LPP: variants seen among roughly 807,000 people sequenced by gnomAD.
The protein encoded by LPP is LIM domain containing preferred translocation partner in lipoma, also known as lipoma-preferred partner.
A neutral mutation model predicts 60.4 loss-of-function variants in LPP; 38 were observed. The observed-to-expected ratio is 0.63, with a 90% CI of 0.49 to 0.83. LPP has a LOEUF of 0.83. Ranked by LOEUF, LPP falls within the 40% of genes least tolerant of loss-of-function variation. The pLI is 0.00. For missense variants in LPP, 902 were observed against 783.6 expected, an observed-to-expected ratio of 1.15 and a Z score of -1.80; for synonymous variants, 328 against 290.8, an observed-to-expected ratio of 1.13 and a Z score of -1.30.
intron 2 of LPP, among the ~76,000 whole-genome samples, chr3:188,294,890 G>T (rs758663986): frequency 6.6e-6 from 1 of 152,210 alleles, no homozygotes; most frequent in Admixed American, 6.5e-5. Context: ...GGTGCCGTTC[G>T]AGTCCTGGCC....
intron 7 of LPP, among the ~76,000 whole-genome samples, chr3:188,641,909 C>G (rs1850215680): frequency 6.6e-6 from 1 of 152,170 alleles, no homozygotes. Flanking sequence ...ATCTGGAGGT[C>G]TTTGATCCTT....
chr3:188,734,316 T>C (rs1192887956), intron 8 of LPP, among the ~76,000 whole-genome samples: 1 of 152,248 alleles, frequency 6.6e-6, no homozygotes, highest in African/African-American at 2.4e-5. Flanking sequence ...AATGTTATTC[T>C]ATTTTTTAAT....
chr3:188,205,218 G>C (rs1321573370), intron 1 of LPP, among the ~76,000 whole-genome samples: 1 of 150,316 alleles, frequency 6.7e-6, no homozygotes, highest in Non-Finnish European at 1.5e-5. Context: ...GGTTTAGAGA[G>C]ATGAAATAAC....
chr3:188,227,801 TGC>T (rs1278202062), intron 2 of LPP, among the ~76,000 whole-genome samples: 1 of 152,180 alleles, frequency 6.6e-6, no homozygotes, highest in Non-Finnish European at 1.5e-5. Context: ...GAGCCTGGTT[TGC>T]TATATTCTCA....
chr3:188,716,576 C>T (rs776164290), intron 8 of LPP, among the ~76,000 whole-genome samples: 4 of 152,102 alleles, frequency 2.6e-5, no homozygotes, highest in Non-Finnish European at 5.9e-5. Flanking sequence ...AACCTAGAGC[C>T]CTCATTGCTG....
At chr3:188,783,973 T>C (rs1740701600) in intron 9 of LPP, among the ~76,000 whole-genome samples, 1 of 152,104 alleles carries the variant, frequency 6.6e-6, no homozygotes, top group Non-Finnish European at 1.5e-5. Flanking sequence ...GGTGTTTGGT[T>C]ACATGAGTAA....
intron 2 of LPP, among the ~76,000 whole-genome samples, chr3:188,256,484 A>G (rs1043259348): frequency 6.6e-5 from 10 of 152,222 alleles, no homozygotes; most frequent in African/African-American, 2.2e-4. Context: ...CAGAATGACC[A>G]TTAAGAACCA....
intron 3 of LPP, among the ~76,000 whole-genome samples, chr3:188,374,828 A>T (rs1340124547): frequency 6.6e-6 from 1 of 152,032 alleles, no homozygotes; most frequent in Non-Finnish European, 1.5e-5. Flanking sequence ...ATTCAGTATG[A>T]TATTGGCTGT....
chr3:188,589,834 T>A (rs1387652826), intron 6 of LPP, among the ~76,000 whole-genome samples: 1 of 152,222 alleles, frequency 6.6e-6, no homozygotes, highest in African/African-American at 2.4e-5. Flanking sequence ...AAAAAGCATA[T>A]TTTGAACTAA....
At chr3:188,641,402 G>C (rs934862056) in intron 7 of LPP, among the ~76,000 whole-genome samples, 29 of 152,148 alleles carry the variant, frequency 1.9e-4, no homozygotes, top group African/African-American at 7.0e-4. Context: ...GGGTTAGTGG[G>C]GAGGATTATA....
At chr3:188,734,068 T>C (rs577725865) in intron 8 of LPP, among the ~76,000 whole-genome samples, 1 of 152,250 alleles carries the variant, frequency 6.6e-6, no homozygotes, top group South Asian at 2.1e-4. Flanking sequence ...TATATATCCT[T>C]CTTTAAGTTT....
chr3:188,528,633 A>G (rs1173963875), intron 6 of LPP, among the ~76,000 whole-genome samples: 2 of 152,226 alleles, frequency 1.3e-5, no homozygotes, highest in Non-Finnish European at 2.9e-5. Context: ...TGAGTGAGAT[A>G]TAGATATCTC....
intron 2 of LPP, among the ~76,000 whole-genome samples, chr3:188,311,995 ATAGTT>A (rs1753617344): frequency 2.0e-5 from 3 of 152,348 alleles, no homozygotes; most frequent in Middle Eastern, 3.4e-3. Context: ...ACACAAAAAT[ATAGTT>A]TAAACTATAG....
At chr3:188,177,499 A>G (rs909017031) in intron 1 of LPP, among the ~76,000 whole-genome samples, 2 of 152,134 alleles carry the variant, frequency 1.3e-5, no homozygotes, top group African/African-American at 4.8e-5. Context: ...TTTAGCGGCA[A>G]AGACACTAGA....
intron 9 of LPP, among the ~76,000 whole-genome samples, chr3:188,796,922 A>G (rs557609653): frequency 6.6e-6 from 1 of 152,020 alleles, no homozygotes; most frequent in Non-Finnish European, 1.5e-5. Context: ...ATTGAACCAG[A>G]TATCTTATTC....
chr3:188,276,894 CTTTTTTT>C (rs1203656488), intron 2 of LPP, among the ~76,000 whole-genome samples: 11 of 38,204 alleles, frequency 2.9e-4, no homozygotes, highest in African/African-American at 3.9e-4. Context: ...CTTTTCTTTT[CTTTTTTT>C]TTTTTTTTTT....
In LPP at chr3:188,283,133, T is replaced by A. The variant is rs148281337; in HGVS notation, c.-67+57606T>A. Among the ~76,000 whole-genome samples, 109 of 152,036 alleles carry A rather than the reference T, an allele frequency of 7.2e-4. 1 individual carries two copies. Among genetic ancestry groups the A allele is most frequent in the African/African-American group, 2.5e-3 (103 of 41,454 alleles). On this transcript the variant is annotated intron_variant, in intron 2 of 11. Coordinates refer to ENST00000617246, the MANE Select transcript of LPP (RefSeq NM_001375462.1). ...GTCTCTCTAGAGGCACAAGGAGAGG[T>A]GGTGTTTGCTTAAGATGCTGGTGGC...
chr3:188,345,369 C>T (rs775034747), intron 3 of LPP, among the ~76,000 whole-genome samples: 5 of 152,168 alleles, frequency 3.3e-5, no homozygotes, highest in Non-Finnish European at 7.3e-5. Context: ...GATTCCCTTG[C>T]AGTTCTTCCT....
intron 4 of LPP, among the ~76,000 whole-genome samples, chr3:188,432,979 C>T (rs1030281395): frequency 2.0e-5 from 3 of 152,186 alleles, no homozygotes; most frequent in Admixed American, 2.0e-4. Flanking sequence ...TAGGAATGAA[C>T]AAGGGATGAC....
Sources: allele counts gnomAD v4.1 joint callset (sites outside exome capture counted in the v4.1 genomes callset), GRCh38; gene constraint gnomAD v4.1.1; transcripts MANE v1.5; gene names NCBI Gene and HGNC (gene_info 2026-07-23, HGNC 2026-07-21).